PTPN14: variants seen among roughly 807,000 people sequenced by gnomAD.
The protein encoded by PTPN14 is tyrosine-protein phosphatase non-receptor type 14.
PTPN14 carries 53 observed loss-of-function variants against 126.8 expected under a neutral mutation model. That is an observed-to-expected ratio of 0.42 (90% CI 0.34 to 0.53). The LOEUF is 0.53. PTPN14 is among the 20% of genes least tolerant of loss of function. The probability of loss-of-function intolerance (pLI) is 0.08; values close to 1 mark genes in which losing one functional copy is unlikely to be tolerated. For synonymous variants in PTPN14, 630 were observed against 599.3 expected, an observed-to-expected ratio of 1.05 and a Z score of -0.75; for missense variants, 1,257 against 1,552.9, an observed-to-expected ratio of 0.81 and a Z score of 3.20.
At chr1:214,397,635 A>T (rs1181249802) in intron 8 of PTPN14, among the ~76,000 whole-genome samples, 1 of 152,218 alleles carries the variant, frequency 6.6e-6, no homozygotes, top group Non-Finnish European at 1.5e-5. Flanking sequence ...GACTGACTGG[A>T]GAGCCAGTTT....
At chr1:214,470,404 T>C (rs1660727312) in intron 1 of PTPN14, among the ~76,000 whole-genome samples, 1 of 152,108 alleles carries the variant, frequency 6.6e-6, no homozygotes, top group Non-Finnish European at 1.5e-5. Context: ...GCGCATCTTA[T>C]AAAGAAAAGT....
At chr1:214,392,558 C>T (rs1658780939) in intron 10 of PTPN14, among the ~76,000 whole-genome samples, 1 of 152,100 alleles carries the variant, frequency 6.6e-6, no homozygotes, top group African/African-American at 2.4e-5. Flanking sequence ...AAGTCAAAGG[C>T]AACAGCAGAG....
At chr1:214,430,029 A>ACT (rs1374366043) in intron 3 of PTPN14, among the ~76,000 whole-genome samples, 3 of 152,224 alleles carry the variant, frequency 2.0e-5, no homozygotes, top group African/African-American at 7.2e-5. Context: ...ACCCAACAGT[A>ACT]ATAGGGAAAC....
intron 2 of PTPN14, 61 bp downstream of exon 2, chr1:214,464,569 C>A (rs1211993322): frequency 2.5e-6 from 4 of 1,575,806 alleles, no homozygotes; most frequent in Non-Finnish European, 3.5e-6. Flanking sequence ...TCGGTGAGTT[C>A]TCCTTCACAT....
chr1:214,383,302 G>A lies in PTPN14; in HGVS notation c.2544+9C>T, dbSNP rs753398388. 1.2e-6 allele frequency: 2 copies of A among 1,601,196 alleles called. No homozygotes were observed. Among genetic ancestry groups the A allele is most frequent in the South Asian group, 1.1e-5 (1 of 90,480 alleles). Reference sequence around the variant, plus strand: ...ACTGGAAAATGCCCTGGGAGAGGAGGACACTCACCCTGATCATCATCTCTC... The same window carrying A: ...ACTGGAAAATGCCCTGGGAGAGGAGAACACTCACCCTGATCATCATCTCTC... On this transcript the variant is annotated intron_variant, in intron 13 of 18. Transcript: ENST00000366956. The surrounding 1 kb of genome is among the most constrained non-coding windows in gnomAD (Gnocchi z 4.4).
intron 1 of PTPN14, among the ~76,000 whole-genome samples, chr1:214,466,014 TG>T (rs1345014838): frequency 7.4e-6 from 1 of 135,170 alleles, no homozygotes; most frequent in South Asian, 2.6e-4. Context: ...TGGAGTGCAG[TG>T]GTGCAATCTT....
intron 13 of PTPN14, among the ~76,000 whole-genome samples, chr1:214,382,920 G>A (rs1190597217): frequency 2.0e-5 from 3 of 152,304 alleles, no homozygotes; most frequent in South Asian, 4.1e-4. Context: ...TACAGAAGGC[G>A]GTATAGGGAT....
At position 214,504,058 on chromosome 1, in the gene PTPN14, C is replaced by T. The variant is rs141625978; in HGVS notation, c.-154-39101G>A. ...CCAGAGAATGGTCATAGGAATGCTG[C>T]GAATAATGTCACCACTTTCCCATTC... On this transcript the variant is annotated intron_variant, in intron 1 of 18. Transcript: ENST00000366956. 5.9e-5 allele frequency among the ~76,000 whole-genome samples: 9 copies of T among 152,208 alleles called. No homozygotes were observed. The East Asian group carries it at 1.5e-3, about 26-fold the overall frequency.
At position 214,383,536 on chromosome 1, in the gene PTPN14, G is replaced by A. The variant is rs201409194; in HGVS notation, c.2319C>T (p.Pro773=). The A allele has an allele frequency of 9.3e-6, 15 of 1,613,948 alleles. No homozygotes were observed. The highest frequency in any genetic ancestry group is 1.3e-5 in the African/African-American group (1 of 75,064). Residue 773 remains proline (P), a synonymous_variant, in exon 13 of 19, where the codon CCC becomes CCT. Transcript: ENST00000366956. This position sits in a 1 kb window ranked among gnomAD's most constrained non-coding sequence, Gnocchi z 4.4. ...TCAGCACCCTGGCTCTGGCCATGGC[G>A]GGAGGAAGGCTGGCTTGGTCCTGCC... ...ALRQDQASLP[P]AMARARVLRH... is the part of the protein sequence containing the mutation.
intron 3 of PTPN14, among the ~76,000 whole-genome samples, chr1:214,432,678 T>C (rs1659821516): frequency 1.3e-5 from 2 of 152,202 alleles, no homozygotes; most frequent in African/African-American, 4.8e-5. Context: ...TCACAAAATG[T>C]TGATCAATGA....
At chr1:214,532,831 G>A in intron 1 of PTPN14, 1 of 920,270 alleles carries the variant, frequency 1.1e-6, no homozygotes, top group Non-Finnish European at 1.8e-6. Context: ...GAACCACAAA[G>A]ATGAACTAAA....
At chr1:214,377,887 T>C (rs1183961971) in intron 14 of PTPN14, 72 bp downstream of exon 14, 1 of 1,521,310 alleles carries the variant, frequency 6.6e-7, no homozygotes, top group East Asian at 2.3e-5. Flanking sequence ...TGCTGGCATA[T>C]TCGGGCAAGG....
rs374110577 is a variant in PTPN14, at chr1:214,450,695, T to C, written c.344+1110A>G. Among the ~76,000 whole-genome samples, 121 of 152,164 alleles carry C rather than the reference T, an allele frequency of 8.0e-4. 2 individuals are homozygous for C. In the South Asian group the frequency reaches 0.024, roughly 30 times the overall value. ...CGGGTAAAAGGCAAAAAGTAAAGGGTTTATGTGATTCCTTTTCCTACCAGA... is the reference window on the plus strand; with the variant it reads ...CGGGTAAAAGGCAAAAAGTAAAGGGCTTATGTGATTCCTTTTCCTACCAGA... On this transcript the variant is annotated intron_variant, in intron 3 of 18. Coordinates refer to ENST00000366956, the MANE Select transcript of PTPN14 (RefSeq NM_005401.5).
chr1:214,386,619 G>T (rs890330196), intron 12 of PTPN14, among the ~76,000 whole-genome samples: 1 of 152,160 alleles, frequency 6.6e-6, no homozygotes, highest in African/African-American at 2.4e-5. Flanking sequence ...CTTGCTCGCT[G>T]CCTTGGCCCC....
At chr1:214,413,156 C>T (rs1211584959) in intron 4 of PTPN14, among the ~76,000 whole-genome samples, 2 of 152,164 alleles carry the variant, frequency 1.3e-5, no homozygotes, top group African/African-American at 2.4e-5. Context: ...GGATTATAGG[C>T]ATAAGCCACC....
rs192443430 is a variant in PTPN14, at chr1:214,433,309, C to G, written c.344+18496G>C. ...ATTTGACTCCAAGTATGGAAAATGT[C>G]TACCAAGCAGAGGTGGAGCTTGAAG... is the stretch of plus-strand genomic sequence containing the variant. On this transcript the variant is annotated intron_variant, in intron 3 of 18. Coordinates refer to ENST00000366956, the MANE Select transcript of PTPN14 (RefSeq NM_005401.5). Among the ~76,000 whole-genome samples the G allele has an allele frequency of 4.6e-5, 7 of 151,894 alleles. No individual in the cohort carries two copies. The East Asian group carries it at 1.4e-3, about 29-fold the overall frequency.
At chr1:214,526,814 G>A (rs542254995) in intron 1 of PTPN14, among the ~76,000 whole-genome samples, 27 of 152,332 alleles carry the variant, frequency 1.8e-4, no homozygotes, top group African/African-American at 5.5e-4. Context: ...CAGGTGGGCC[G>A]GGCGCGGTGG....
At chr1:214,483,644 A>G (rs1661052184) in intron 1 of PTPN14, among the ~76,000 whole-genome samples, 1 of 152,212 alleles carries the variant, frequency 6.6e-6, no homozygotes. Flanking sequence ...ACTGGGTGCC[A>G]TCTTCTCTAC....
At chr1:214,494,454 G>A (rs974698927) in intron 1 of PTPN14, among the ~76,000 whole-genome samples, 1 of 152,112 alleles carries the variant, frequency 6.6e-6, no homozygotes, top group South Asian at 2.1e-4. Context: ...TAGAGAGGTT[G>A]GCGATTCCTG....
Sources: gnomAD v4.1 joint callset for allele counts (sites outside exome capture counted in the v4.1 genomes callset) on GRCh38, gnomAD v4.1.1 for gene constraint, Gnocchi (gnomAD v3.1) non-coding constraint, MANE v1.5 for transcripts, NCBI Gene and HGNC (gene_info 2026-07-23, HGNC 2026-07-21) for gene names.